Variants in CFAP299 observed in about 807,000 individuals in gnomAD.
The protein encoded by CFAP299 is cilia and flagella associated protein 299.
CFAP299 carries 21 observed loss-of-function variants against 27.0 expected under a neutral mutation model. The observed-to-expected ratio is 0.78, with a 90% CI of 0.55 to 1.12. The LOEUF is 1.12. Among genes scored for constraint, CFAP299 ranks in the 50% most tolerant of loss-of-function variants. The pLI is 0.00. For synonymous variants in CFAP299, 104 were observed against 98.1 expected (o/e 1.06, Z -0.36); for missense variants, 310 against 276.6 (o/e 1.12, Z -0.86).
intron 2 of CFAP299, among the ~76,000 whole-genome samples, chr4:80,498,556 A>G (rs1731573128): frequency 6.7e-6 from 1 of 149,188 alleles, no homozygotes; most frequent in Admixed American, 6.6e-5. Flanking sequence ...ATCTCATACC[A>G]GTCAGAATGG....
chr4:80,358,113 A>G (rs1436550021), intron 1 of CFAP299, among the ~76,000 whole-genome samples: 1 of 152,142 alleles, frequency 6.6e-6, no homozygotes, highest in Non-Finnish European at 1.5e-5. Flanking sequence ...GTCATTCAGG[A>G]GCAGATTATT....
intron 4 of CFAP299, among the ~76,000 whole-genome samples, chr4:80,884,804 A>G (rs989332281): frequency 2.0e-5 from 3 of 152,166 alleles, no homozygotes; most frequent in Non-Finnish European, 4.4e-5. Flanking sequence ...TGCATCATTC[A>G]TCACCCCCAT....
chr4:80,362,862 C>G lies in CFAP299; in HGVS notation c.220C>G (p.Leu74Val), dbSNP rs1723625729. Residue 74 changes from leucine to valine, a missense_variant, in exon 2 of 6, where the codon CTG (leucine) becomes GTG (valine). Coordinates refer to ENST00000358105, the MANE Select transcript of CFAP299 (RefSeq NM_152770.3). ...ARKAAIEIAR[L>V]AERAQQKTLT... Reference sequence around the variant, plus strand: ...GAAAGCGGCTATAGAGATTGCAAGACTGGCTGAAAGAGCTCAGCAAAAGTA... The same window carrying G: ...GAAAGCGGCTATAGAGATTGCAAGAGTGGCTGAAAGAGCTCAGCAAAAGTA... 6.2e-7 allele frequency: 1 copy of G among 1,611,188 alleles called. No individual in the cohort carries two copies. Among genetic ancestry groups the G allele is most frequent in the Non-Finnish European group, 8.5e-7 (1 of 1,179,246 alleles).
chr4:80,615,273 G>A (rs1577935349), intron 3 of CFAP299, among the ~76,000 whole-genome samples: 1 of 152,040 alleles, frequency 6.6e-6, no homozygotes, highest in African/African-American at 2.4e-5. Flanking sequence ...AGAAATCGCC[G>A]GCTATCTACT....
the CFAP299 span, among the ~76,000 whole-genome samples, chr4:80,327,334 G>C: frequency 2.6e-5 from 4 of 152,026 alleles, no homozygotes; most frequent in Non-Finnish European, 4.4e-5. Flanking sequence ...AGGTAGAGTG[G>C]GATTGAGGTA....
intron 4 of CFAP299, among the ~76,000 whole-genome samples, chr4:80,893,065 AC>A (rs918795583): frequency 1.3e-5 from 2 of 152,014 alleles, no homozygotes; most frequent in Non-Finnish European, 2.9e-5. Context: ...CATATAAAAA[AC>A]AGATGCATTA....
intron 3 of CFAP299, among the ~76,000 whole-genome samples, chr4:80,677,551 T>C (rs1365934411): frequency 6.6e-6 from 1 of 152,012 alleles, no homozygotes; most frequent in Non-Finnish European, 1.5e-5. Context: ...GAAAAAAATA[T>C]ATCAGTCCCC....
chr4:80,587,745 C>A (rs755091858), intron 3 of CFAP299, among the ~76,000 whole-genome samples: 17 of 152,080 alleles, frequency 1.1e-4, no homozygotes, highest in Non-Finnish European at 2.5e-4. Context: ...GCATGTGTCA[C>A]CACACCCAGC....
intron 1 of CFAP299, among the ~76,000 whole-genome samples, chr4:80,351,755 A>T (rs576889729): frequency 1.3e-5 from 2 of 151,434 alleles, no homozygotes; most frequent in Non-Finnish European, 3.0e-5. Flanking sequence ...ATGTATTAAC[A>T]TTAACAGATT....
At chr4:80,662,041 A>G (rs1740877811) in intron 3 of CFAP299, among the ~76,000 whole-genome samples, 1 of 152,190 alleles carries the variant, frequency 6.6e-6, no homozygotes, top group Non-Finnish European at 1.5e-5. Context: ...GTCTCCTGAT[A>G]AGATGTTATC....
At chr4:80,363,474 T>G (rs1723653526) in intron 2 of CFAP299, among the ~76,000 whole-genome samples, 1 of 152,208 alleles carries the variant, frequency 6.6e-6, no homozygotes, top group African/African-American at 2.4e-5. Flanking sequence ...ATTAATAACC[T>G]ATTTCATTTT....
chr4:80,700,691 T>A (rs1721419254), intron 3 of CFAP299, among the ~76,000 whole-genome samples: 2 of 152,142 alleles, frequency 1.3e-5, no homozygotes, highest in Non-Finnish European at 2.9e-5. Flanking sequence ...GGATAGGATG[T>A]TTAGCCTATT....
At chr4:80,694,143 G>A (rs1357629953) in intron 3 of CFAP299, among the ~76,000 whole-genome samples, 1 of 152,184 alleles carries the variant, frequency 6.6e-6, no homozygotes, top group Non-Finnish European at 1.5e-5. Context: ...CACATGTGCA[G>A]TGCATTCTTT....
chr4:80,519,910 T>TC (rs1732816735), intron 2 of CFAP299, among the ~76,000 whole-genome samples: 1 of 152,160 alleles, frequency 6.6e-6, no homozygotes, highest in Non-Finnish European at 1.5e-5. Flanking sequence ...AGCTGCAGTC[T>TC]CATTTGGAGC....
At chr4:80,908,399 T>G (rs1284514535) in intron 4 of CFAP299, among the ~76,000 whole-genome samples, 1 of 152,226 alleles carries the variant, frequency 6.6e-6, no homozygotes, top group African/African-American at 2.4e-5. Context: ...CTTCTTACTT[T>G]GTTTTGTTCT....
chr4:80,525,301 G>A (rs988476550), intron 2 of CFAP299, among the ~76,000 whole-genome samples: 9 of 151,984 alleles, frequency 5.9e-5, no homozygotes, highest in Admixed American at 4.6e-4. Context: ...AGGATGTGTC[G>A]GCCACAGTGG....
chr4:80,787,090 A>G (rs1727288318), intron 3 of CFAP299, among the ~76,000 whole-genome samples: 1 of 151,656 alleles, frequency 6.6e-6, no homozygotes, highest in African/African-American at 2.4e-5. Flanking sequence ...TGCTCTCAAG[A>G]TACAGGAGGG....
chr4:80,571,333 T>A (rs1325489301), intron 2 of CFAP299, among the ~76,000 whole-genome samples: 3 of 152,108 alleles, frequency 2.0e-5, no homozygotes, highest in Non-Finnish European at 2.9e-5. Context: ...TGGGCCTTTT[T>A]GTGGTTATCT....
intron 4 of CFAP299, among the ~76,000 whole-genome samples, chr4:80,927,063 G>C (rs926853506): frequency 6.6e-6 from 1 of 152,014 alleles, no homozygotes; most frequent in Non-Finnish European, 1.5e-5. Context: ...TTGCAGTTCA[G>C]ATAGACATAC....
Sources: gnomAD v4.1 joint callset for allele counts (sites outside exome capture counted in the v4.1 genomes callset) on GRCh38, gnomAD v4.1.1 for gene constraint, MANE v1.5 for transcripts, NCBI Gene and HGNC (gene_info 2026-07-23, HGNC 2026-07-21) for gene names.